MAP3K13: variants seen among roughly 807,000 people sequenced by gnomAD.
MAP3K13 encodes the protein leucine zipper-bearing kinase.
Under a neutral mutation model 104.0 loss-of-function variants are expected in MAP3K13, and 52 were observed. That is an observed-to-expected ratio of 0.50 (90% CI 0.40 to 0.63). The LOEUF is 0.63. MAP3K13 is among the 20% of genes least tolerant of loss of function. The probability of loss-of-function intolerance (pLI) is 0.00; values close to 1 mark genes in which losing one functional copy is unlikely to be tolerated. For synonymous variants in MAP3K13, 394 were observed against 442.2 expected (o/e 0.89, Z 1.37); for missense variants, 914 against 1,218.5 (o/e 0.75, Z 3.72).
chr3:185,433,308 G>A (rs1261710526), intron 2 of MAP3K13, among the ~76,000 whole-genome samples: 1 of 152,112 alleles, frequency 6.6e-6, no homozygotes, highest in African/African-American at 2.4e-5. Flanking sequence ...ATAGTCATTG[G>A]GAAGATAAAA....
In MAP3K13 at chr3:185,466,958, C is replaced by G; in HGVS notation, c.1638C>G (p.Thr546=). The G allele has an allele frequency of 6.2e-7, 1 of 1,613,928 alleles. No homozygotes were observed. Among genetic ancestry groups the G allele is most frequent in the Non-Finnish European group, 8.5e-7 (1 of 1,179,846 alleles). The change falls in exon 10 of 14, where the codon ACC becomes ACG. Residue 546 remains threonine, a synonymous_variant. Transcript: ENST00000265026. ...KGVPHKSGMQ[T]KRPDLLRSEG... ...TGCCTCACAAATCTGGGATGCAGAC[C>G]AAACGGTGAGACACCTGTACAAACG...
chr3:185,457,060 C>T (rs113359858), intron 7 of MAP3K13, among the ~76,000 whole-genome samples: 2 of 152,170 alleles, frequency 1.3e-5, no homozygotes, highest in South Asian at 2.1e-4. Flanking sequence ...CCTCCTAAAA[C>T]GTCACTTCTG....
chr3:185,403,968 G>C (rs1232155775), intron 1 of MAP3K13, among the ~76,000 whole-genome samples: 4 of 152,098 alleles, frequency 2.6e-5, no homozygotes, highest in African/African-American at 9.7e-5. Flanking sequence ...TGAAGAATAG[G>C]ACTAAAATAT....
chr3:185,393,190 A>AATT (rs1712171249), intron 1 of MAP3K13, among the ~76,000 whole-genome samples: 1 of 152,074 alleles, frequency 6.6e-6, no homozygotes, highest in South Asian at 2.1e-4. Context: ...TATAAGAGAA[A>AATT]AATAAGTCAT....
In MAP3K13 at chr3:185,455,202, G is replaced by C. The variant is rs554665136; in HGVS notation, c.1278+3807G>C. 1.2e-4 allele frequency among the ~76,000 whole-genome samples: 9 copies of C among 73,908 alleles called. No individual in the cohort carries two copies. The South Asian group carries it at 2.2e-3, about 18-fold the overall frequency. 48.5% of individuals were successfully genotyped at this position (73,908 alleles called of 152,430 possible). On this transcript the variant is annotated intron_variant, in intron 7 of 13. Transcript: ENST00000265026. ...TATGATATATATGAGATATATATAT[G>C]ATATATATGAGATATATATATGATA...
chr3:185,349,009 C>T (rs1723038868), intron 2 of MAP3K13, among the ~76,000 whole-genome samples: 1 of 152,048 alleles, frequency 6.6e-6, no homozygotes, highest in African/African-American at 2.4e-5. Flanking sequence ...GGTACTCTGG[C>T]CGGTTGAAAG....
chr3:185,325,466 T>C (rs1304678400), intron 2 of MAP3K13, among the ~76,000 whole-genome samples: 1 of 152,196 alleles, frequency 6.6e-6, no homozygotes, highest in African/African-American at 2.4e-5. Context: ...TTCAGCCTAC[T>C]ACAAAGAGGA....
intron 12 of MAP3K13, among the ~76,000 whole-genome samples, chr3:185,479,694 C>A (rs895643900): frequency 6.6e-6 from 1 of 152,156 alleles, no homozygotes; most frequent in African/African-American, 2.4e-5. Flanking sequence ...GCTGCCATAA[C>A]AAAATACTAC....
At position 185,461,210 on chromosome 3, in the gene MAP3K13, T is replaced by C. The variant is rs111658589; in HGVS notation, c.1279-2340T>C. On this transcript the variant is annotated intron_variant, in intron 7 of 13. Coordinates refer to ENST00000265026, the MANE Select transcript of MAP3K13 (RefSeq NM_004721.5). Reference sequence around the variant, plus strand: ...AATGCAGTAGTGTATTCTGATGAGATTGGGCACGTTCAGGGTGGTATGGCC... The same window carrying C: ...AATGCAGTAGTGTATTCTGATGAGACTGGGCACGTTCAGGGTGGTATGGCC... 7.5e-3 allele frequency among the ~76,000 whole-genome samples: 1,137 copies of C among 152,288 alleles called. 12 individuals are homozygous for C. Among genetic ancestry groups the C allele is most frequent in the Non-Finnish European group, 0.013 (898 of 68,020 alleles).
At chr3:185,366,361 C>T (rs959556831) in intron 1 of MAP3K13, among the ~76,000 whole-genome samples, 19 of 152,048 alleles carry the variant, frequency 1.2e-4, no homozygotes, top group South Asian at 1.2e-3. Flanking sequence ...TTTGGGCTTC[C>T]GCTTTTTGAC....
Position 185,428,513 on chromosome 3 carries a change from T to G in MAP3K13, c.-69T>G. 4 of 1,505,736 alleles carry G rather than the reference T, an allele frequency of 2.7e-6. No individual in the cohort carries two copies. The highest frequency in any genetic ancestry group is 5.0e-4 in the Middle Eastern group (2 of 4,008). 93.3% of individuals were successfully genotyped at this position (1,505,736 alleles called of 1,614,324 possible). ...TTTTCTCAGGTTTTGGAGCCCTCTC[T>G]TAAGTCAGAACTCTGTCCCAAAAAT... On this transcript the variant is annotated 5_prime_UTR_variant, in exon 2 of 14. Transcript: ENST00000265026.
intron 12 of MAP3K13, among the ~76,000 whole-genome samples, chr3:185,477,721 C>T (rs907256733): frequency 1.3e-5 from 2 of 152,126 alleles, no homozygotes; most frequent in Middle Eastern, 3.2e-3. Context: ...TTCTAGTGTG[C>T]CTCCCTGTGT....
intron 1 of MAP3K13, among the ~76,000 whole-genome samples, chr3:185,374,028 G>GA (rs35203372): frequency 0.24 from 36,298 of 151,702 alleles, 4,422 homozygotes; most frequent in Admixed American, 0.29. Context: ...AAGGTGGGGA[G>GA]ATTACAAAGA....
intron 2 of MAP3K13, among the ~76,000 whole-genome samples, chr3:185,294,365 T>A (rs1320586470): frequency 3.3e-5 from 5 of 152,244 alleles, no homozygotes; most frequent in Non-Finnish European, 7.3e-5. Flanking sequence ...GATGAAGAAC[T>A]AATTTTTTAG....
chr3:185,410,507 C>A (rs756059877), intron 1 of MAP3K13, among the ~76,000 whole-genome samples: 3 of 151,678 alleles, frequency 2.0e-5, no homozygotes, highest in African/African-American at 4.8e-5. Context: ...TTAATGTTCC[C>A]AACACAAAAA....
intron 3 of MAP3K13, among the ~76,000 whole-genome samples, chr3:185,440,907 T>C (rs530063322): frequency 2.2e-4 from 34 of 152,358 alleles, no homozygotes; most frequent in Non-Finnish European, 4.4e-4. Flanking sequence ...TTACATATAG[T>C]AATTTTTCTT....
At position 185,482,272 on chromosome 3, in the gene MAP3K13, A is replaced by C; in HGVS notation, c.2800-83A>C. 2 of 969,060 alleles carry C rather than the reference A, an allele frequency of 2.1e-6. No homozygotes were observed. Among genetic ancestry groups the C allele is most frequent in the Non-Finnish European group, 3.3e-6 (2 of 600,374 alleles). The allele number at this position is 969,060 out of a possible 1,614,324, so 60.0% of individuals were successfully genotyped here. Reference sequence around the variant, plus strand: ...CCTTTGTAGCCCCCTTACCAAGCACAGTGCCTGTTGTGTGGGAGGTGTTTG... The same window carrying C: ...CCTTTGTAGCCCCCTTACCAAGCACCGTGCCTGTTGTGTGGGAGGTGTTTG... On this transcript the variant is annotated intron_variant, in intron 13 of 13. Coordinates refer to ENST00000265026, the MANE Select transcript of MAP3K13 (RefSeq NM_004721.5). This position sits in a 1 kb window ranked among gnomAD's most constrained non-coding sequence, Gnocchi z 4.5.
At chr3:185,443,671 T>C (rs1351271540) in intron 4 of MAP3K13, 35 bp downstream of exon 4, 3 of 1,584,912 alleles carry the variant, frequency 1.9e-6, no homozygotes, top group Non-Finnish European at 2.6e-6. Context: ...GCTATTTTGG[T>C]TTGTTGTTTT....
intron 2 of MAP3K13, among the ~76,000 whole-genome samples, chr3:185,329,927 C>G (rs923636428): frequency 8.3e-6 from 1 of 120,032 alleles, no homozygotes; most frequent in African/African-American, 3.1e-5. Context: ...GACGGAGTCT[C>G]GCTCTGCAGT....
Sources: gnomAD v4.1 joint callset for allele counts (sites outside exome capture counted in the v4.1 genomes callset) on GRCh38, gnomAD v4.1.1 for gene constraint, Gnocchi (gnomAD v3.1) non-coding constraint, MANE v1.5 for transcripts, NCBI Gene and HGNC (gene_info 2026-07-23, HGNC 2026-07-21) for gene names.